LDB3: variants seen among roughly 807,000 people sequenced by gnomAD.
LDB3 encodes the protein LIM domain binding 3.
A neutral mutation model predicts 69.0 loss-of-function variants in LDB3; 49 were observed. That is an observed-to-expected ratio of 0.71 (90% CI 0.56 to 0.90). The LOEUF (loss-of-function observed/expected upper bound fraction) is 0.90. LDB3 is among the 40% of genes least tolerant of loss of function. LDB3 has a pLI of 0.00. For synonymous variants in LDB3, 387 were observed against 396.2 expected, an observed-to-expected ratio of 0.98 and a Z score of 0.28; for missense variants, 928 against 974.1, an observed-to-expected ratio of 0.95 and a Z score of 0.63.
chr10:86,728,040 A>G (rs143158727), intron 13 of LDB3, among the ~76,000 whole-genome samples: 171 of 152,212 alleles, frequency 1.1e-3, no homozygotes, highest in African/African-American at 4.0e-3. Flanking sequence ...CATCCCCTCC[A>G]AAAAGAGACA....
chr10:86,679,735 G>A (rs1564633195), intron 3 of LDB3, among the ~76,000 whole-genome samples: 1 of 152,234 alleles, frequency 6.6e-6, no homozygotes, highest in African/African-American at 2.4e-5. Flanking sequence ...TTACAGTTAA[G>A]GCAGAGATGG....
Position 86,699,446 on chromosome 10 carries a change from T to C in LDB3, c.896+6875T>C. On this transcript the variant is annotated intron_variant, in intron 7 of 13. Transcript: ENST00000361373. This position sits in a 1 kb window ranked among gnomAD's most constrained non-coding sequence, Gnocchi z 4.9. ...TCCTTACCCCCACACAGATCTGGCA[T>C]GTGAGCCCCACGGTGATGCTTGACA... 1.2e-6 allele frequency: 2 copies of C among 1,609,736 alleles called. No individual in the cohort carries two copies. Among genetic ancestry groups the C allele is most frequent in the African/African-American group, 1.3e-5 (1 of 74,916 alleles).
intron 5 of LDB3, among the ~76,000 whole-genome samples, chr10:86,683,381 A>G (rs191892414): frequency 1.3e-5 from 2 of 152,338 alleles, no homozygotes; most frequent in Admixed American, 6.5e-5. Context: ...CAGAGAGAGC[A>G]AGTAATTTGC....
At chr10:86,687,168 C>G in intron 5 of LDB3, 1 of 1,614,246 alleles carries the variant, frequency 6.2e-7, no homozygotes, top group South Asian at 1.1e-5. Flanking sequence ...GCAAGGCCAC[C>G]ATCATCCATG....
intron 12 of LDB3, among the ~76,000 whole-genome samples, chr10:86,721,351 G>A (rs1407746408): frequency 6.6e-6 from 1 of 152,210 alleles, no homozygotes; most frequent in African/African-American, 2.4e-5. Flanking sequence ...AGGGAGTCCT[G>A]TCAAATCTGC....
intron 7 of LDB3, among the ~76,000 whole-genome samples, chr10:86,693,083 T>C (rs1164571843): frequency 6.9e-6 from 1 of 145,384 alleles, no homozygotes; most frequent in Non-Finnish European, 1.5e-5. Context: ...AAATAGTTGC[T>C]GAAAAAAAAA....
At chr10:86,721,485 C>T (rs1379662659) in intron 12 of LDB3, among the ~76,000 whole-genome samples, 1 of 152,154 alleles carries the variant, frequency 6.6e-6, no homozygotes, top group East Asian at 1.9e-4. Context: ...AACCTGCACC[C>T]GAGCAGTTCC....
At chr10:86,731,696 C>G (rs1399385827) in intron 13 of LDB3, among the ~76,000 whole-genome samples, 1 of 152,152 alleles carries the variant, frequency 6.6e-6, no homozygotes, top group Non-Finnish European at 1.5e-5. Context: ...CGTGGCATTA[C>G]TGGGTTACAG....
intron 9 of LDB3, among the ~76,000 whole-genome samples, chr10:86,711,066 T>G (rs1293179851): frequency 2.0e-5 from 3 of 152,090 alleles, no homozygotes; most frequent in Non-Finnish European, 4.4e-5. Flanking sequence ...GTGAAAAGCC[T>G]TAGATGGAGC....
intron 8 of LDB3, among the ~76,000 whole-genome samples, chr10:86,709,101 A>G (rs1846545781): frequency 6.6e-6 from 1 of 152,228 alleles, no homozygotes; most frequent in Non-Finnish European, 1.5e-5. Context: ...TAAATGAAGA[A>G]AAGCATTTTA....
chr10:86,734,857 A>G lies in LDB3; in HGVS notation c.*1881A>G, dbSNP rs1456813249. 6.6e-6 allele frequency: 1 copy of G among 152,224 alleles called. No individual in the cohort carries two copies. The highest frequency in any genetic ancestry group is 1.9e-4 in the East Asian group (1 of 5,190). The allele number at this position is 152,224 out of a possible 1,614,324, so 9.4% of individuals were successfully genotyped here. ...GGAGATTTGTCAGGAGCTGCAGACAAGTACCTTGGAGCATTCTGTTATTTT... is the reference window on the plus strand; with the variant it reads ...GGAGATTTGTCAGGAGCTGCAGACAGGTACCTTGGAGCATTCTGTTATTTT... On this transcript the variant is annotated 3_prime_UTR_variant, in exon 14 of 14. Transcript: ENST00000361373.
Position 86,691,990 on chromosome 10 carries a change from G to A in LDB3, c.784G>A (p.Glu262Lys), listed in dbSNP as rs374168618. The A allele has an allele frequency of 1.9e-5, 30 of 1,614,064 alleles. No individual in the cohort carries two copies. The highest frequency in any genetic ancestry group is 6.7e-5 in the African/African-American group (5 of 74,932). ...GAACAAGCCAGAAGATGAGGCTGAC[G>A]AGTGGGCACGCCGTTCCTCCAACCT... ...SQNKPEDEAD[E>K]WARRSSNLQS... is the part of the protein sequence containing the mutation. The change falls in exon 6 of 14, where the codon GAG (glutamate) becomes AAG (lysine). Residue 262 changes from glutamate to lysine, a missense_variant. By Grantham distance (56) the Glu-to-Lys change is moderately conservative. Coordinates refer to ENST00000361373, the MANE Select transcript of LDB3 (RefSeq NM_007078.3).
At chr10:86,685,145 G>T (rs1021618271) in intron 5 of LDB3, among the ~76,000 whole-genome samples, 1 of 152,142 alleles carries the variant, frequency 6.6e-6, no homozygotes, top group South Asian at 2.1e-4. Flanking sequence ...GGTCAGGTTT[G>T]GGGGGGCATA....
rs1847532682 is a variant in LDB3 at position 86,733,066 on chromosome 10, G to T, written c.*90G>T. 4 of 899,110 alleles carry T rather than the reference G, an allele frequency of 4.4e-6. No individual in the cohort carries two copies. Among genetic ancestry groups the T allele is most frequent in the East Asian group, 2.6e-5 (1 of 38,280 alleles). 55.7% of individuals were successfully genotyped at this position (899,110 alleles called of 1,614,324 possible). On this transcript the variant is annotated 3_prime_UTR_variant, in exon 14 of 14. Transcript: ENST00000361373. ...GGGAGGCTGATGTTTCTTCTGAGGG[G>T]AATGGGGAGAGAGAGGAAGCGACTG...
chr10:86,687,317 C>T lies in LDB3; in HGVS notation c.690-4579C>T, dbSNP rs759764411. The T allele has an allele frequency of 1.0e-5, 16 of 1,575,210 alleles. No homozygotes were observed. In the East Asian group the frequency reaches 1.3e-4, roughly 13 times the overall value. On this transcript the variant is annotated intron_variant, in intron 5 of 13. Transcript: ENST00000361373. ...ACCGCCACTCAGTGCCTCCAGAGCC[C>T]GAGGGGTATGGGCCATTGGGCACCA... is the stretch of plus-strand genomic sequence containing the variant.
chr10:86,727,201 T>C (rs1799250090), intron 13 of LDB3, among the ~76,000 whole-genome samples: 1 of 151,846 alleles, frequency 6.6e-6, no homozygotes. Context: ...TGTGTATTTT[T>C]AGTAGAGAGG....
At chr10:86,715,609 A>T (rs1490967606) in intron 9 of LDB3, among the ~76,000 whole-genome samples, 2 of 152,108 alleles carry the variant, frequency 1.3e-5, no homozygotes, top group Non-Finnish European at 2.9e-5. Flanking sequence ...CACCAAAGCG[A>T]TGTGGGAGTA....
At chr10:86,708,668 G>A (rs944001328) in intron 8 of LDB3, among the ~76,000 whole-genome samples, 1 of 152,222 alleles carries the variant, frequency 6.6e-6, no homozygotes, top group African/African-American at 2.4e-5. Context: ...CTGGGGAGGG[G>A]AGACAATAGC....
chr10:86,668,437 C>G, upstream of LDB3: 1 of 539,684 alleles, frequency 1.9e-6, no homozygotes, highest in South Asian at 2.0e-5. Flanking sequence ...CTGGCAGGCA[C>G]AGTGTAGGGT....
Sources: gnomAD v4.1 joint callset for allele counts (sites outside exome capture counted in the v4.1 genomes callset) on GRCh38, gnomAD v4.1.1 for gene constraint, Gnocchi (gnomAD v3.1) non-coding constraint, MANE v1.5 for transcripts, NCBI Gene and HGNC (gene_info 2026-07-23, HGNC 2026-07-21) for gene names.